TCF4: variants seen among roughly 807,000 people sequenced by gnomAD.
TCF4 encodes transcription factor 4, also known as SL3-3 enhancer factor 2.
Under a neutral mutation model 82.1 loss-of-function variants are expected in TCF4, and 3 were observed. The ratio of observed to expected loss-of-function variants is 0.04; its 90% confidence interval spans 0.02 to 0.09. The LOEUF (loss-of-function observed/expected upper bound fraction) is 0.09. Among genes scored for constraint, TCF4 ranks in the 10% least tolerant of loss-of-function variants. The probability of loss-of-function intolerance (pLI) is 1.00; values close to 1 mark genes in which losing one functional copy is unlikely to be tolerated. For missense variants in TCF4, 518 were observed against 852.7 expected (o/e 0.61, Z 4.89); for synonymous variants, 276 against 309.6 (o/e 0.89, Z 1.14).
intron 5 of TCF4, among the ~76,000 whole-genome samples, chr18:55,430,205 C>T (rs904754352): frequency 6.6e-6 from 1 of 152,158 alleles, no homozygotes; most frequent in Non-Finnish European, 1.5e-5. Context: ...CAATCACAAA[C>T]AGATCCCGTT....
intron 8 of TCF4, among the ~76,000 whole-genome samples, chr18:55,307,855 C>T (rs1446742967): frequency 3.9e-5 from 6 of 152,120 alleles, no homozygotes; most frequent in Non-Finnish European, 7.3e-5. Context: ...ACTGTAGCAA[C>T]GAGAGGATGA....
At chr18:55,614,142 G>A (rs947083803) in intron 2 of TCF4, among the ~76,000 whole-genome samples, 16 of 152,102 alleles carry the variant, frequency 1.1e-4, no homozygotes, top group African/African-American at 3.4e-4. Flanking sequence ...TGAGCCTCCC[G>A]CCTTAGCCTT....
At chr18:55,394,921 A>C (rs2093401105) in intron 6 of TCF4, among the ~76,000 whole-genome samples, 3 of 152,364 alleles carry the variant, frequency 2.0e-5, no homozygotes, top group Non-Finnish European at 1.5e-5. Context: ...GCACGGCAGC[A>C]GACTCAACGA....
At chr18:55,362,227 G>C (rs1446508143) in intron 6 of TCF4, among the ~76,000 whole-genome samples, 2 of 151,760 alleles carry the variant, frequency 1.3e-5, no homozygotes, top group African/African-American at 4.8e-5. Context: ...AGAATCACTT[G>C]AGCCCAAGAG....
At position 55,236,546 on chromosome 18, in the gene TCF4, G is replaced by A. The variant is rs79695232; in HGVS notation, c.1351-1863C>T. Reference sequence around the variant, plus strand: ...GTCTGCTCTCTTATAGGCAGACCACGCCCACCTGCTCCAGCAACCATTTGT... The same window carrying A: ...GTCTGCTCTCTTATAGGCAGACCACACCCACCTGCTCCAGCAACCATTTGT... On this transcript the variant is annotated intron_variant, in intron 15 of 19. Coordinates refer to ENST00000354452, the MANE Select transcript of TCF4 (RefSeq NM_001083962.2). Among the ~76,000 whole-genome samples, 690 of 151,354 alleles carry A rather than the reference G, an allele frequency of 4.6e-3. 3 individuals are homozygous for A. The highest frequency in any genetic ancestry group is 6.2e-3 in the Non-Finnish European group (423 of 67,874).
At chr18:55,589,925 T>G (rs915779116), upstream of TCF4, 18 of 771,694 alleles carry the variant, frequency 2.3e-5, no homozygotes, top group African/African-American at 3.0e-4. Context: ...AAGATGGCGG[T>G]GCTGGTCGAC....
intron 6 of TCF4, among the ~76,000 whole-genome samples, chr18:55,370,860 G>A (rs1166532581): frequency 6.6e-6 from 1 of 152,190 alleles, no homozygotes; most frequent in Non-Finnish European, 1.5e-5. Flanking sequence ...GAACAGGAGA[G>A]GGAGAAGGAA....
At chr18:55,360,369 A>G (rs901715277) in intron 6 of TCF4, among the ~76,000 whole-genome samples, 2 of 152,196 alleles carry the variant, frequency 1.3e-5, no homozygotes, top group Non-Finnish European at 2.9e-5. Context: ...TTGAATTAAA[A>G]TTTTGGTGTG....
At chr18:55,324,182 C>T (rs1220152148) in intron 8 of TCF4, among the ~76,000 whole-genome samples, 2 of 152,200 alleles carry the variant, frequency 1.3e-5, no homozygotes, top group Non-Finnish European at 2.9e-5. Context: ...TTCTGGGCTT[C>T]ATTGCCTAAT....
intron 2 of TCF4, among the ~76,000 whole-genome samples, chr18:55,612,246 G>A (rs1311944705): frequency 6.6e-6 from 1 of 152,134 alleles, no homozygotes; most frequent in Non-Finnish European, 1.5e-5. Flanking sequence ...GGGGGATTGG[G>A]AATTGGGAAT....
intron 6 of TCF4, among the ~76,000 whole-genome samples, chr18:55,355,695 G>A (rs904150462): frequency 6.6e-6 from 1 of 152,056 alleles, no homozygotes; most frequent in African/African-American, 2.4e-5. Context: ...TCTGTCCTAT[G>A]CTTGGTTTCA....
At chr18:55,430,678 G>C (rs1342214123) in intron 5 of TCF4, among the ~76,000 whole-genome samples, 1 of 152,092 alleles carries the variant, frequency 6.6e-6, no homozygotes, top group Non-Finnish European at 1.5e-5. Context: ...CAGAAGGCAA[G>C]TTAGACGTTT....
intron 6 of TCF4, chr18:55,401,878 GA>G: frequency 1.1e-6 from 1 of 871,674 alleles, no homozygotes; most frequent in Non-Finnish European, 1.4e-6. Flanking sequence ...ACCATCTGCA[GA>G]AAGGAAGGAT....
chr18:55,374,347 T>C (rs565511620), intron 6 of TCF4, among the ~76,000 whole-genome samples: 2 of 149,752 alleles, frequency 1.3e-5, no homozygotes, highest in East Asian at 3.9e-4. Context: ...AGAAGGTACT[T>C]GAAAAAAAAA....
At chr18:55,550,333 G>A (rs2097249910) in intron 3 of TCF4, 1 of 152,168 alleles carries the variant, frequency 6.6e-6, no homozygotes, top group South Asian at 2.1e-4. Flanking sequence ...CTCAAAGTCA[G>A]TGACTTTATA....
chr18:55,585,461 G>T (rs1343829308), intron 2 of TCF4, 109 bp from the exon 3 acceptor site: 11 of 1,026,454 alleles, frequency 1.1e-5, no homozygotes, highest in Middle Eastern at 2.1e-4. Flanking sequence ...TATGCTAAGG[G>T]TTTATTTAGT....
At chr18:55,405,278 A>G (rs1040718734) in intron 5 of TCF4, among the ~76,000 whole-genome samples, 2 of 152,212 alleles carry the variant, frequency 1.3e-5, no homozygotes, top group African/African-American at 4.8e-5. Flanking sequence ...ATGCTTCAAT[A>G]TCACCATTAC....
intron 5 of TCF4, among the ~76,000 whole-genome samples, chr18:55,439,164 A>C (rs2095389892): frequency 6.6e-6 from 1 of 152,210 alleles, no homozygotes; most frequent in Non-Finnish European, 1.5e-5. Context: ...GAATTCCAAA[A>C]CAGTAGGAGG....
At chr18:55,316,158 T>C (rs1232158271) in intron 8 of TCF4, among the ~76,000 whole-genome samples, 1 of 152,104 alleles carries the variant, frequency 6.6e-6, no homozygotes, top group Admixed American at 6.6e-5. Context: ...AGTAATCTTT[T>C]ATGTGTCCGC....
Sources: gnomAD v4.1 joint callset for allele counts (sites outside exome capture counted in the v4.1 genomes callset) on GRCh38, gnomAD v4.1.1 for gene constraint, MANE v1.5 for transcripts, NCBI Gene and HGNC (gene_info 2026-07-23, HGNC 2026-07-21) for gene names.